The following PLEKHA2 variants were observed in gnomAD, a reference collection of about 807,000 sequenced individuals.
PLEKHA2 encodes the protein pleckstrin homology domain containing A2, also known as pleckstrin homology domain-containing family A member 2.
PLEKHA2 carries 28 observed loss-of-function variants against 53.2 expected under a neutral mutation model. That is an observed-to-expected ratio of 0.53 (90% CI 0.39 to 0.72). The LOEUF (loss-of-function observed/expected upper bound fraction) is 0.72. Among genes scored for constraint, PLEKHA2 ranks in the 30% least tolerant of loss-of-function variants. The pLI is 0.00. For missense variants in PLEKHA2, 426 were observed against 537.9 expected, an observed-to-expected ratio of 0.79 and a Z score of 2.06; for synonymous variants, 193 against 196.4, an observed-to-expected ratio of 0.98 and a Z score of 0.14.
chr8:38,937,251 C>T (rs1834512655), intron 3 of PLEKHA2, among the ~76,000 whole-genome samples: 1 of 152,190 alleles, frequency 6.6e-6, no homozygotes, highest in Non-Finnish European at 1.5e-5. Context: ...CAAGTCCAGC[C>T]TTGCTAGCAC....
chr8:38,945,202 A>C lies in PLEKHA2; in HGVS notation c.248-922A>C, dbSNP rs80278603. ...GTGCTATGAGCAAATGCTAACAAAT[A>C]GTTTCTGTTGCCTATCTGGGGTGGT... On this transcript the variant is annotated intron_variant, in intron 4 of 11. Coordinates refer to ENST00000617275, the MANE Select transcript of PLEKHA2 (RefSeq NM_021623.2). 7.2e-3 allele frequency among the ~76,000 whole-genome samples: 1,104 copies of C among 152,340 alleles called. 11 individuals are homozygous for C. Among genetic ancestry groups the C allele is most frequent in the Non-Finnish European group, 0.011 (780 of 68,038 alleles).
Position 38,973,600 on chromosome 8 carries a change from G to C in PLEKHA2, c.*3817G>C, listed in dbSNP as rs1418371122. ...TCTGCCAGCACCCTTTTCTTCCTTTGTTCCTTTTCCTCTCTGTGTTATTGC... is the reference window on the plus strand; with the variant it reads ...TCTGCCAGCACCCTTTTCTTCCTTTCTTCCTTTTCCTCTCTGTGTTATTGC... On this transcript the variant is annotated 3_prime_UTR_variant, in exon 12 of 12. Coordinates refer to ENST00000617275, the MANE Select transcript of PLEKHA2 (RefSeq NM_021623.2). The C allele has an allele frequency of 1.3e-5, 2 of 150,368 alleles. No individual in the cohort carries two copies. Among genetic ancestry groups the C allele is most frequent in the African/African-American group, 4.9e-5 (2 of 40,692 alleles). 9.3% of individuals were successfully genotyped at this position (150,368 alleles called of 1,614,324 possible).
intron 2 of PLEKHA2, among the ~76,000 whole-genome samples, chr8:38,920,326 A>G (rs1007106542): frequency 6.7e-6 from 1 of 150,004 alleles, no homozygotes; most frequent in Non-Finnish European, 1.5e-5. Flanking sequence ...AATTTTTTGT[A>G]TTTTTTTTTA....
Position 38,922,802 on chromosome 8 carries a change from C to T in PLEKHA2, c.141+4732C>T, listed in dbSNP as rs931950845. Among the ~76,000 whole-genome samples the T allele has an allele frequency of 1.4e-4, 22 of 152,130 alleles. No homozygotes were observed. Among genetic ancestry groups the T allele is most frequent in the African/African-American group, 4.3e-4 (18 of 41,424 alleles). ...TGAAATGCTTTTACATGTGTTACCCCATGGAACCTCTCCATAATCCTGGGG... is the reference window on the plus strand; with the variant it reads ...TGAAATGCTTTTACATGTGTTACCCTATGGAACCTCTCCATAATCCTGGGG... On this transcript the variant is annotated intron_variant, in intron 2 of 11. Transcript: ENST00000617275. This position sits in a 1 kb window ranked among gnomAD's most constrained non-coding sequence, Gnocchi z 4.0.
chr8:38,961,964 A>G (rs921200168), intron 10 of PLEKHA2, among the ~76,000 whole-genome samples: 1 of 152,244 alleles, frequency 6.6e-6, no homozygotes, highest in Admixed American at 6.5e-5. Flanking sequence ...AACAACTTAC[A>G]GGTAGTATAA....
At chr8:38,942,228 C>A (rs988386002) in intron 3 of PLEKHA2, among the ~76,000 whole-genome samples, 4 of 151,882 alleles carry the variant, frequency 2.6e-5, no homozygotes, top group Admixed American at 6.6e-5. Context: ...ATAGCGAGAC[C>A]CCATCTCTAA....
Position 38,941,601 on chromosome 8 carries a change from A to T in PLEKHA2, c.199-2188A>T, listed in dbSNP as rs142762536. On this transcript the variant is annotated intron_variant, in intron 3 of 11. Coordinates refer to ENST00000617275, the MANE Select transcript of PLEKHA2 (RefSeq NM_021623.2). ...GGCCCAGAGAAACTCATGGACCCTC[A>T]GCATTTTGCCCGTAGTTCCAGGTGG... Among the ~76,000 whole-genome samples, 134 of 152,288 alleles carry T rather than the reference A, an allele frequency of 8.8e-4. 1 individual carries two copies. The highest frequency in any genetic ancestry group is 3.2e-3 in the African/African-American group (131 of 41,578).
intron 11 of PLEKHA2, 115 bp downstream of exon 11, chr8:38,968,784 C>A: frequency 1.0e-6 from 1 of 959,344 alleles, no homozygotes; most frequent in Non-Finnish European, 1.6e-6. Context: ...GCAGCTGAAG[C>A]CCCAGGCTGT....
Position 38,943,794 on chromosome 8 carries a change from C to A in PLEKHA2, c.204C>A (p.Ser68Arg). 6.4e-7 allele frequency: 1 copy of A among 1,572,278 alleles called. No individual in the cohort carries two copies. Among genetic ancestry groups the A allele is most frequent in the Non-Finnish European group, 8.6e-7 (1 of 1,158,224 alleles). Residue 68 changes from serine (S) to arginine (R), a missense_variant, in exon 4 of 12, where the codon AGC becomes AGA. Physicochemically the swap from Ser to Arg is moderately radical, Grantham distance 110 (BLOSUM62 -1). Transcript: ENST00000617275. ...ALQLTYISKV[S>R]IATPKQKPKT... Reference sequence around the variant, plus strand: ...TTATTTCTTATTTGATTTAGGTGAGCATAGCTACCCCAAAACAGAAACCAA... The same window carrying A: ...TTATTTCTTATTTGATTTAGGTGAGAATAGCTACCCCAAAACAGAAACCAA...
In PLEKHA2 at chr8:38,922,066, CAG is replaced by C. The variant is rs369791888; in HGVS notation, c.141+3997_141+3998del. ...CTGAAGATGAGGTGGGTGAGGCTGACAGGGGAAGAATTTGCCCGTGGTTACAT... is the reference window on the plus strand; with the variant it reads ...CTGAAGATGAGGTGGGTGAGGCTGACGGGAAGAATTTGCCCGTGGTTACAT... On this transcript the variant is annotated intron_variant, in intron 2 of 11. Coordinates refer to ENST00000617275, the MANE Select transcript of PLEKHA2 (RefSeq NM_021623.2). The surrounding 1 kb of genome is among the most constrained non-coding windows in gnomAD (Gnocchi z 4.0). Among the ~76,000 whole-genome samples the C allele has an allele frequency of 2.6e-5, 4 of 152,144 alleles. No individual in the cohort carries two copies. The highest frequency in any genetic ancestry group is 1.9e-4 in the East Asian group (1 of 5,196).
At chr8:38,932,845 T>G (rs1053030367) in intron 2 of PLEKHA2, among the ~76,000 whole-genome samples, 1 of 152,188 alleles carries the variant, frequency 6.6e-6, no homozygotes, top group Non-Finnish European at 1.5e-5. Context: ...TGGCTTCTCC[T>G]GGTGGAGAGG....
At chr8:38,930,346 C>T (rs543953839) in intron 2 of PLEKHA2, among the ~76,000 whole-genome samples, 192 of 152,236 alleles carry the variant, frequency 1.3e-3, no homozygotes, top group Admixed American at 6.5e-3. Flanking sequence ...GGATTACAGG[C>T]GCATGCCACT....
intron 3 of PLEKHA2, among the ~76,000 whole-genome samples, chr8:38,941,273 C>G (rs1457916752): frequency 1.3e-5 from 2 of 152,194 alleles, no homozygotes; most frequent in Non-Finnish European, 2.9e-5. Flanking sequence ...TCAGGCTGGT[C>G]TCGAACTCCT....
chr8:38,946,256 A>G (rs770668181), intron 5 of PLEKHA2, 35 bp downstream of exon 5: 17 of 1,538,392 alleles, frequency 1.1e-5, no homozygotes, highest in African/African-American at 4.1e-5. Context: ...TGGTGGTAGT[A>G]AAAGTGCCTC....
chr8:38,942,509 G>T (rs1374536797), intron 3 of PLEKHA2, among the ~76,000 whole-genome samples: 1 of 152,176 alleles, frequency 6.6e-6, no homozygotes, highest in Non-Finnish European at 1.5e-5. Flanking sequence ...GATCCCCTAG[G>T]TGGAGGACAT....
In PLEKHA2 at chr8:38,936,870, G is replaced by A. The variant is rs867735235; in HGVS notation, c.198+820G>A. On this transcript the variant is annotated intron_variant, in intron 3 of 11. Coordinates refer to ENST00000617275, the MANE Select transcript of PLEKHA2 (RefSeq NM_021623.2). Reference sequence around the variant, plus strand: ...CAGGTGGCACCCCGCCAGCACTGAGGTTTCGGAAGTCCTGTGCTCCCCACA... The same window carrying A: ...CAGGTGGCACCCCGCCAGCACTGAGATTTCGGAAGTCCTGTGCTCCCCACA... Among the ~76,000 whole-genome samples the A allele has an allele frequency of 3.5e-4, 53 of 152,346 alleles. No individual in the cohort carries two copies. In the Middle Eastern group the frequency reaches 0.01, roughly 29 times the overall value.
intron 6 of PLEKHA2, among the ~76,000 whole-genome samples, chr8:38,951,769 C>A (rs1436880438): frequency 3.3e-5 from 5 of 152,096 alleles, no homozygotes; most frequent in Admixed American, 3.3e-4. Context: ...TGCAGTGGTG[C>A]AATCATGGCT....
intron 11 of PLEKHA2, 86 bp downstream of exon 11, chr8:38,968,755 A>T: frequency 7.0e-7 from 1 of 1,427,968 alleles, no homozygotes; most frequent in Non-Finnish European, 9.9e-7. Flanking sequence ...GATGTAGGCA[A>T]GCAGCCTGGT....
At chr8:38,918,867 C>T (rs1244157041) in intron 2 of PLEKHA2, among the ~76,000 whole-genome samples, 3 of 152,218 alleles carry the variant, frequency 2.0e-5, no homozygotes, top group Non-Finnish European at 4.4e-5. Context: ...ATGATGCTGT[C>T]CTGACCCTGG....
Sources: allele counts gnomAD v4.1 joint callset (sites outside exome capture counted in the v4.1 genomes callset), GRCh38; gene constraint gnomAD v4.1.1; non-coding constraint Gnocchi (gnomAD v3.1); transcripts MANE v1.5; gene names NCBI Gene and HGNC (gene_info 2026-07-23, HGNC 2026-07-21).